The following CNKSR2 variants were observed in gnomAD, a reference collection of about 807,000 sequenced individuals.
The protein encoded by CNKSR2 is connector enhancer of kinase suppressor of Ras 2.
CNKSR2 carries 14 observed loss-of-function variants against 84.4 expected under a neutral mutation model. The ratio of observed to expected loss-of-function variants is 0.17; its 90% CI spans 0.11 to 0.26. The LOEUF (loss-of-function observed/expected upper bound fraction) is 0.26, where lower values mean the gene tolerates loss of function less well. Among genes scored for constraint, CNKSR2 ranks in the 10% least tolerant of loss-of-function variants. The pLI is 1.00. For missense variants in CNKSR2, 485 were observed against 771.2 expected (o/e 0.63, Z 4.40); for synonymous variants, 275 against 277.9 (o/e 0.99, Z 0.10).
At chrX:21,507,768 G>A (rs1455407942) in intron 8 of CNKSR2, among the ~76,000 whole-genome samples, 2 of 111,339 alleles carry the variant, frequency 1.8e-5, no homozygotes, top group Non-Finnish European at 3.8e-5. Context: ...TGTCATTTAA[G>A]TTCCTGAATT....
chrX:21,418,827 C>T (rs1160506440), intron 1 of CNKSR2, among the ~76,000 whole-genome samples: 1 of 111,052 alleles, frequency 9.0e-6, no homozygotes, highest in African/African-American at 3.3e-5. Context: ...TCCAGTATTT[C>T]TGCTTGATTC....
chrX:21,585,144 A>G (rs1307544884), intron 13 of CNKSR2, among the ~76,000 whole-genome samples: 3 of 108,188 alleles, frequency 2.8e-5, no homozygotes, highest in Non-Finnish European at 3.8e-5. Context: ...TCAGAAGGCC[A>G]AGGTGGGAGG....
At chrX:21,473,909 G>T (rs1247759469) in intron 5 of CNKSR2, among the ~76,000 whole-genome samples, 1 of 107,138 alleles carries the variant, frequency 9.3e-6, no homozygotes, top group Non-Finnish European at 1.9e-5. Context: ...ACCACGCCCG[G>T]CTAATTTTTT....
chrX:21,388,073 G>A (rs1378350465), intron 1 of CNKSR2, among the ~76,000 whole-genome samples: 1 of 110,289 alleles, frequency 9.1e-6, no homozygotes, highest in Non-Finnish European at 1.9e-5. Flanking sequence ...CTAATTTTTT[G>A]TATTTTTAGT....
At chrX:21,420,925 C>G (rs2147039591) in intron 1 of CNKSR2, among the ~76,000 whole-genome samples, 1 of 111,370 alleles carries the variant, frequency 9.0e-6, no homozygotes, top group East Asian at 2.9e-4. Flanking sequence ...TCCACTGTCT[C>G]TGGGCCCTGT....
At chrX:21,602,149 G>GT (rs955902346) in intron 18 of CNKSR2, among the ~76,000 whole-genome samples, 14 of 109,726 alleles carry the variant, frequency 1.3e-4, no homozygotes, top group Non-Finnish European at 2.1e-4. Context: ...TTGTTTGTTT[G>GT]TTTTTTTGAA....
At position 21,511,701 on chromosome X, in the gene CNKSR2, A is replaced by T. The variant is rs192286438; in HGVS notation, c.811-4784A>T. ...TGAAGGAAACGTATATTCATTACTC[A>T]ACCAACTCTTTTAATTATCAACTTT... On this transcript the variant is annotated intron_variant, in intron 8 of 21. Coordinates refer to ENST00000379510, the MANE Select transcript of CNKSR2 (RefSeq NM_014927.5). 4.5e-5 allele frequency among the ~76,000 whole-genome samples: 5 copies of T among 111,645 alleles called. No individual in the cohort carries two copies. The East Asian group carries it at 1.4e-3, about 32-fold the overall frequency.
chrX:21,530,016 C>T (rs1442164044), intron 10 of CNKSR2, among the ~76,000 whole-genome samples: 1 of 110,760 alleles, frequency 9.0e-6, no homozygotes, highest in Non-Finnish European at 1.9e-5. Context: ...GACAGATACG[C>T]ATAACCTTAC....
intron 4 of CNKSR2, among the ~76,000 whole-genome samples, chrX:21,456,366 T>G (rs781511265): frequency 2.2e-4 from 24 of 111,468 alleles, no homozygotes; most frequent in Non-Finnish European, 4.0e-4. Context: ...GACCATTATC[T>G]CCTCCCACCC....
intron 5 of CNKSR2, among the ~76,000 whole-genome samples, chrX:21,475,235 G>A (rs1215954936): frequency 1.8e-5 from 2 of 111,557 alleles, no homozygotes; most frequent in East Asian, 5.6e-4. Flanking sequence ...TTGAAGTGAT[G>A]GATACCCCCA....
chrX:21,589,516 A>G (rs1471396062), intron 13 of CNKSR2, among the ~76,000 whole-genome samples: 2 of 112,375 alleles, frequency 1.8e-5, no homozygotes, highest in Admixed American at 9.5e-5. Flanking sequence ...CACACATGCT[A>G]TCTCTGTTCC....
chrX:21,546,851 A>G (rs768918503), intron 11 of CNKSR2, among the ~76,000 whole-genome samples: 1 of 112,052 alleles, frequency 8.9e-6, no homozygotes, highest in African/African-American at 3.2e-5. Context: ...CTAAGGAGAA[A>G]TAAAATCCTT....
intron 13 of CNKSR2, among the ~76,000 whole-genome samples, chrX:21,570,133 C>G (rs2092272892): frequency 8.9e-6 from 1 of 112,190 alleles, no homozygotes; most frequent in Non-Finnish European, 1.9e-5. Context: ...TGGTTTGAAG[C>G]TAGGCATTGA....
intron 13 of CNKSR2, among the ~76,000 whole-genome samples, chrX:21,571,692 T>C (rs761959816): frequency 8.9e-6 from 1 of 112,299 alleles, no homozygotes; most frequent in East Asian, 2.8e-4. Flanking sequence ...CCATATCTGC[T>C]CATAAGGATT....
chrX:21,440,899 A>G (rs1293319575), intron 4 of CNKSR2, 118 bp downstream of exon 4: 5 of 397,997 alleles, frequency 1.3e-5, no homozygotes, highest in Non-Finnish European at 2.1e-5. Context: ...TCTCAAAGAC[A>G]AACCATTCTA....
chrX:21,394,095 T>A (rs1362499177), intron 1 of CNKSR2, among the ~76,000 whole-genome samples: 2 of 112,185 alleles, frequency 1.8e-5, no homozygotes, highest in Admixed American at 9.4e-5. Flanking sequence ...TCAAACCCTT[T>A]ATTTTAAAAT....
At chrX:21,635,221 G>C (rs1189528567) in intron 20 of CNKSR2, among the ~76,000 whole-genome samples, 1 of 109,031 alleles carries the variant, frequency 9.2e-6, no homozygotes, top group Non-Finnish European at 1.9e-5. Flanking sequence ...CATTCTTTAT[G>C]ATTGTAGAAG....
chrX:21,608,192 A>G (rs1452681873), intron 19 of CNKSR2: 1 of 110,936 alleles, frequency 9.0e-6, no homozygotes, highest in Non-Finnish European at 1.9e-5. Context: ...GAGGAGTGGT[A>G]TGCAGCTTCA....
chrX:21,457,521 A>G (rs1457500925), intron 4 of CNKSR2, among the ~76,000 whole-genome samples: 2 of 112,044 alleles, frequency 1.8e-5, no homozygotes, highest in African/African-American at 6.5e-5. Flanking sequence ...TTTTGTAGTT[A>G]GGTAAGACGC....
Sources: allele counts gnomAD v4.1 joint callset (sites outside exome capture counted in the v4.1 genomes callset), GRCh38; gene constraint gnomAD v4.1.1; transcripts MANE v1.5; gene names NCBI Gene and HGNC (gene_info 2026-07-23, HGNC 2026-07-21).